UBE3B: variants seen among roughly 807,000 people sequenced by gnomAD.
The protein encoded by UBE3B is ubiquitin-protein ligase E3B.
In UBE3B, 80 loss-of-function variants were observed where a neutral mutation model predicts 132.3. That is an observed-to-expected ratio of 0.60 (90% CI 0.50 to 0.73). The LOEUF (loss-of-function observed/expected upper bound fraction) is 0.73. UBE3B is among the 30% of genes least tolerant of loss of function. The pLI is 0.00. For missense variants in UBE3B, 1,196 were observed against 1,362.5 expected, an observed-to-expected ratio of 0.88 and a Z score of 1.92; for synonymous variants, 487 against 520.4, an observed-to-expected ratio of 0.94 and a Z score of 0.87.
Position 109,503,081 on chromosome 12 carries a change from C to T in UBE3B, c.1341C>T (p.Val447=), listed in dbSNP as rs771505737. The change falls in exon 14 of 28, where the codon GTC becomes GTT. Residue 447 remains valine, a synonymous_variant. Coordinates refer to ENST00000342494, the MANE Select transcript of UBE3B (RefSeq NM_130466.4). ...SASVRNILRP[V]GGKRVDSAEV... is the part of the protein sequence containing the mutation. ...CAGTCCGGAATATTCTCAGGCCTGTCGGGGGTAAACGGGTCGACTCTGCAG... is the reference window on the plus strand; with the variant it reads ...CAGTCCGGAATATTCTCAGGCCTGTTGGGGGTAAACGGGTCGACTCTGCAG... 2.0e-5 allele frequency: 33 copies of T among 1,614,004 alleles called. No homozygotes were observed. In the East Asian group the frequency reaches 5.8e-4, roughly 28 times the overall value.
At chr12:109,506,578 T>C (rs1242473589) in intron 14 of UBE3B, among the ~76,000 whole-genome samples, 1 of 152,208 alleles carries the variant, frequency 6.6e-6, no homozygotes, top group African/African-American at 2.4e-5. Context: ...CTCAAACTCC[T>C]GACCTCAGAT....
chr12:109,490,724 AT>A, intron 8 of UBE3B: 1 of 1,425,228 alleles, frequency 7.0e-7, no homozygotes, highest in East Asian at 2.5e-5. Flanking sequence ...TAACCATAAT[AT>A]TTAGAGAAAG....
At chr12:109,503,261 G>T (rs1472949232) in intron 14 of UBE3B, 71 bp downstream of exon 14, 2 of 1,558,052 alleles carry the variant, frequency 1.3e-6, no homozygotes, top group Admixed American at 2.0e-5. Flanking sequence ...AAAAGTCGAT[G>T]TTTTTTTCTG....
chr12:109,534,799 GCCTC>G lies in UBE3B; in HGVS notation c.*19_*22del. 1 of 1,484,262 alleles carries G rather than the reference GCCTC, an allele frequency of 6.7e-7. No individual in the cohort carries two copies. The highest frequency in any genetic ancestry group is 9.0e-7 in the Non-Finnish European group (1 of 1,116,004). The allele number at this position is 1,484,262 out of a possible 1,614,324, so 91.9% of individuals were successfully genotyped here. On this transcript the variant is annotated 3_prime_UTR_variant, in exon 28 of 28. Coordinates refer to ENST00000342494, the MANE Select transcript of UBE3B (RefSeq NM_130466.4). The surrounding 1 kb of genome is among the most constrained non-coding windows in gnomAD (Gnocchi z 5.2). The stretch of plus-strand genomic sequence containing the variant: ...CTCTCCTAGCTCCTGTCCCAGCCCT[GCCTC>G]CAGGGCTCCTGGGCTGCCAGGGACC...
chr12:109,501,363 T>C lies in UBE3B; in HGVS notation c.1119-8T>C. On this transcript the variant is annotated splice_region_variant and splice_polypyrimidine_tract_variant and intron_variant, in intron 12 of 27. Transcript: ENST00000342494. The stretch of plus-strand genomic sequence containing the variant: ...CTGACAGACCAGGTCTCCTCTGCTC[T>C]CTCCTAGCCTTAACGAGTCAATGCA... The C allele has an allele frequency of 6.2e-7, 1 of 1,613,842 alleles. No homozygotes were observed. The highest frequency in any genetic ancestry group is 8.5e-7 in the Non-Finnish European group (1 of 1,179,962).
intron 18 of UBE3B, among the ~76,000 whole-genome samples, chr12:109,515,120 A>C (rs6606729): frequency 0.3 from 44,771 of 151,290 alleles, 8,009 homozygotes; most frequent in African/African-American, 0.5. Flanking sequence ...TCACCGTGTT[A>C]GCCAGGATGG....
chr12:109,491,088 C>G lies in UBE3B; in HGVS notation c.674C>G (p.Ser225Cys). ...CTGGCAAGACCCCGTCCTTGTCTAT[C>G]CAAAGGCACTTTAACAGCAGCTTTT... ...RGLARPRPCL[S>C]KGTLTAAFSL... Residue 225 changes from serine (S) to cysteine (C), a missense_variant, in exon 9 of 28, where the codon TCC (serine) becomes TGC (cysteine). Transcript: ENST00000342494. 6.2e-7 allele frequency: 1 copy of G among 1,614,088 alleles called. No individual in the cohort carries two copies. The highest frequency in any genetic ancestry group is 8.5e-7 in the Non-Finnish European group (1 of 1,179,942).
At chr12:109,502,131 G>C (rs539810272) in intron 13 of UBE3B, among the ~76,000 whole-genome samples, 1 of 152,176 alleles carries the variant, frequency 6.6e-6, no homozygotes, top group Non-Finnish European at 1.5e-5. Flanking sequence ...TTACATTAGG[G>C]CCACTGTGGC....
At chr12:109,513,251 C>T (rs981519250) in intron 18 of UBE3B, among the ~76,000 whole-genome samples, 62 of 152,216 alleles carry the variant, frequency 4.1e-4, no homozygotes, top group Non-Finnish European at 7.6e-4. Context: ...CATAACACAT[C>T]GTCTAGACCC....
intron 24 of UBE3B, chr12:109,528,273 CCTCT>C: frequency 1.1e-6 from 1 of 915,504 alleles, no homozygotes; most frequent in Non-Finnish European, 1.3e-6. Context: ...CTCGTATCTC[CCTCT>C]CTCCTTCCCT....
chr12:109,531,773 A>G (rs1882966720), intron 26 of UBE3B, among the ~76,000 whole-genome samples: 1 of 152,120 alleles, frequency 6.6e-6, no homozygotes, highest in Non-Finnish European at 1.5e-5. Context: ...CAGTTTTCCC[A>G]GAAGTGCCTC....
chr12:109,543,012 G>A, the UBE3B span, among the ~76,000 whole-genome samples: 1 of 152,062 alleles, frequency 6.6e-6, no homozygotes, highest in Non-Finnish European at 1.5e-5. Context: ...GGCAGCTGCT[G>A]CTCAGCCCCA....
At chr12:109,494,826 C>T (rs915519297) in intron 9 of UBE3B, among the ~76,000 whole-genome samples, 13 of 152,162 alleles carry the variant, frequency 8.5e-5, no homozygotes, top group African/African-American at 2.2e-4. Flanking sequence ...TCCACTGATA[C>T]GTCGCTCCCA....
At position 109,521,023 on chromosome 12, in the gene UBE3B, C is replaced by A. The variant is rs1881645501; in HGVS notation, c.2077-125C>A. The stretch of plus-strand genomic sequence containing the variant: ...GGTGAGAACGGCTCCTGTCATGCAT[C>A]CACGTTTCATAATTTGCACATTTGG... On this transcript the variant is annotated intron_variant, in intron 19 of 27. Coordinates refer to ENST00000342494, the MANE Select transcript of UBE3B (RefSeq NM_130466.4). This position sits in a 1 kb window ranked among gnomAD's most constrained non-coding sequence, Gnocchi z 4.2. The A allele has an allele frequency of 7.4e-6, 8 of 1,086,344 alleles. No homozygotes were observed. The Admixed American group carries it at 1.8e-4, about 24-fold the overall frequency. 67.3% of individuals were successfully genotyped at this position (1,086,344 alleles called of 1,614,324 possible).
At chr12:109,514,037 G>A (rs1880690303) in intron 18 of UBE3B, among the ~76,000 whole-genome samples, 1 of 152,132 alleles carries the variant, frequency 6.6e-6, no homozygotes, top group South Asian at 2.1e-4. Context: ...CCTTGTTCTC[G>A]ATTTCACTAT....
At chr12:109,515,215 T>A (rs1020549401) in intron 18 of UBE3B, among the ~76,000 whole-genome samples, 3 of 152,104 alleles carry the variant, frequency 2.0e-5, no homozygotes, top group African/African-American at 7.2e-5. Flanking sequence ...GACTGGCCCA[T>A]CCCCTTTCTT....
chr12:109,528,589 C>T, intron 24 of UBE3B: 11 of 773,696 alleles, frequency 1.4e-5, no homozygotes, highest in Non-Finnish European at 1.7e-5. Context: ...TGCGTTGGCT[C>T]ACACCTGTAA....
chr12:109,509,428 C>T, intron 15 of UBE3B, 168 bp from the exon 16 acceptor site: 1 of 513,746 alleles, frequency 1.9e-6, no homozygotes, highest in Non-Finnish European at 3.4e-6. Context: ...CCCTTTCCCC[C>T]TACCCCTGAT....
intron 14 of UBE3B, among the ~76,000 whole-genome samples, chr12:109,505,140 G>A (rs1238827037): frequency 2.0e-5 from 3 of 152,166 alleles, no homozygotes; most frequent in East Asian, 3.8e-4. Context: ...TACACTTTAA[G>A]GATAAAGATA....
Sources: allele counts gnomAD v4.1 joint callset (sites outside exome capture counted in the v4.1 genomes callset), GRCh38; gene constraint gnomAD v4.1.1; non-coding constraint Gnocchi (gnomAD v3.1); transcripts MANE v1.5; gene names NCBI Gene and HGNC (gene_info 2026-07-23, HGNC 2026-07-21).